Variants in USP13 observed in about 807,000 individuals in gnomAD.
The protein encoded by USP13 is ubiquitin carboxyl-terminal hydrolase 13.
USP13 carries 68 observed loss-of-function variants against 107.8 expected under a neutral mutation model. That is an observed-to-expected ratio of 0.63 (90% CI 0.52 to 0.77). The LOEUF (loss-of-function observed/expected upper bound fraction) is 0.77, where lower values mean the gene tolerates loss of function less well. Among genes scored for constraint, USP13 ranks in the 30% least tolerant of loss-of-function variants. The pLI is 0.00. For missense variants in USP13, 945 were observed against 1,093.3 expected (o/e 0.86, Z 1.91); for synonymous variants, 377 against 389.5 (o/e 0.97, Z 0.38).
At chr3:179,666,857 GCAGCCCGCAGGGGGCTAGA>G (rs1408110772) in intron 1 of USP13, among the ~76,000 whole-genome samples, 1 of 152,216 alleles carries the variant, frequency 6.6e-6, no homozygotes, top group Admixed American at 6.5e-5. Flanking sequence ...GTAGCACCAG[GCAGCCCGCAGGGGGCTAGA>G]CTGGCCTGGG....
At chr3:179,704,553 A>G (rs1459362000) in intron 4 of USP13, among the ~76,000 whole-genome samples, 3 of 152,102 alleles carry the variant, frequency 2.0e-5, no homozygotes, top group Admixed American at 2.0e-4. Context: ...CTACTGACCG[A>G]TGACACTGGG....
intron 19 of USP13, among the ~76,000 whole-genome samples, chr3:179,780,213 A>G (rs913213880): frequency 6.6e-6 from 1 of 152,248 alleles, no homozygotes; most frequent in African/African-American, 2.4e-5. Context: ...TTAACATTGT[A>G]CAGGAGGTTC....
At chr3:179,775,825 G>A (rs111868144) in intron 19 of USP13, among the ~76,000 whole-genome samples, 6 of 152,252 alleles carry the variant, frequency 3.9e-5, no homozygotes, top group African/African-American at 1.2e-4. Context: ...AGCATTGTGC[G>A]CAGCCCCGGT....
At position 179,687,573 on chromosome 3, in the gene USP13, C is replaced by T. The variant is rs1036870642; in HGVS notation, c.295-2668C>T. Among the ~76,000 whole-genome samples the T allele has an allele frequency of 2.1e-5, 3 of 145,740 alleles. No homozygotes were observed. The Admixed American group carries it at 2.2e-4, about 10-fold the overall frequency. Reference sequence around the variant, plus strand: ...ACTCGGGAGGCTGGCGCAGGAGAATCGCTTGGACCTGGGAGGCTGAAGTTG... The same window carrying T: ...ACTCGGGAGGCTGGCGCAGGAGAATTGCTTGGACCTGGGAGGCTGAAGTTG... On this transcript the variant is annotated intron_variant, in intron 2 of 20. Coordinates refer to ENST00000263966, the MANE Select transcript of USP13 (RefSeq NM_003940.3).
chr3:179,728,110 C>G (rs1451798162), intron 8 of USP13, among the ~76,000 whole-genome samples: 15 of 105,908 alleles, frequency 1.4e-4, no homozygotes, highest in African/African-American at 4.5e-4. Context: ...GGGCAGCTGG[C>G]CGGGCAGAGG....
chr3:179,756,619 CTGGTGACA>C (rs1435435817), intron 15 of USP13, among the ~76,000 whole-genome samples: 2 of 151,964 alleles, frequency 1.3e-5, no homozygotes. Context: ...GGCGTGGTGA[CTGGTGACA>C]TGTGCCTGTA....
chr3:179,722,221 C>T (rs781240784), intron 8 of USP13, among the ~76,000 whole-genome samples: 4 of 152,082 alleles, frequency 2.6e-5, no homozygotes, highest in Non-Finnish European at 5.9e-5. Flanking sequence ...CCTATAGATG[C>T]GCTAGGAGAG....
chr3:179,756,507 G>T (rs1164484930), intron 15 of USP13, among the ~76,000 whole-genome samples: 2 of 152,332 alleles, frequency 1.3e-5, no homozygotes, highest in East Asian at 3.9e-4. Context: ...CCTTTGGGAG[G>T]CTGAGGTGGG....
intron 10 of USP13, among the ~76,000 whole-genome samples, chr3:179,735,416 C>CT (rs5854845): frequency 0.017 from 2,376 of 142,932 alleles, 49 homozygotes; most frequent in Middle Eastern, 0.14. Context: ...AGAGCCTGAC[C>CT]TTTTTTTTTT....
intron 1 of USP13, among the ~76,000 whole-genome samples, chr3:179,676,928 G>A (rs1045920720): frequency 3.3e-5 from 5 of 151,886 alleles, no homozygotes; most frequent in African/African-American, 7.3e-5. Flanking sequence ...GCATGATCTC[G>A]GCTCACTGCA....
chr3:179,772,241 T>C (rs1012311399), intron 19 of USP13, among the ~76,000 whole-genome samples: 1 of 152,248 alleles, frequency 6.6e-6, no homozygotes, highest in Admixed American at 6.5e-5. Context: ...AATCAGGCCG[T>C]CACTCTGACC....
At chr3:179,728,076 A>AC (rs1553794761) in intron 8 of USP13, among the ~76,000 whole-genome samples, 1 of 59,206 alleles carries the variant, frequency 1.7e-5, no homozygotes, top group Non-Finnish European at 4.1e-5. Context: ...CGGGGGGCTG[A>AC]CCCCCCCACC....
intron 19 of USP13, among the ~76,000 whole-genome samples, chr3:179,774,498 C>T (rs1053573987): frequency 6.6e-6 from 1 of 150,504 alleles, no homozygotes; most frequent in South Asian, 2.1e-4. Flanking sequence ...AGTGCTACAG[C>T]TCTTAAGGCA....
chr3:179,708,802 G>A lies in USP13; in HGVS notation c.650G>A (p.Arg217Gln), dbSNP rs61760204. The A allele has an allele frequency of 1.5e-5, 25 of 1,614,050 alleles. No homozygotes were observed. The African/African-American group carries it at 2.1e-4, about 14-fold the overall frequency. ...SGWKCARCDL[R>Q]ENLWLNLTDG... ...TGGAAGTGTGCCAGATGCGACCTGC[G>A]AGAAAACCTCTGGTTGAATCTGACT... Residue 217 changes from arginine (R) to glutamine (Q), a missense_variant, in exon 6 of 21, where the codon CGA (arginine) becomes CAA (glutamine). Transcript: ENST00000263966.
intron 8 of USP13, among the ~76,000 whole-genome samples, chr3:179,728,440 C>T (rs1409071371): frequency 1.2e-4 from 18 of 149,744 alleles, no homozygotes; most frequent in African/African-American, 4.2e-4. Context: ...CGGGAAGAGG[C>T]GCTCCTCACT....
intron 1 of USP13, among the ~76,000 whole-genome samples, chr3:179,674,081 C>T (rs541302612): frequency 1.1e-4 from 17 of 152,126 alleles, no homozygotes; most frequent in Non-Finnish European, 1.8e-4. Flanking sequence ...TTAGTAGAGG[C>T]GGGGTTTCTC....
intron 8 of USP13, among the ~76,000 whole-genome samples, chr3:179,727,310 G>A (rs1282529366): frequency 7.6e-6 from 1 of 132,146 alleles, no homozygotes; most frequent in East Asian, 2.3e-4. Flanking sequence ...AGAGGACCCT[G>A]CGGCCTTCTG....
At chr3:179,677,853 C>T (rs373941295) in intron 1 of USP13, among the ~76,000 whole-genome samples, 15 of 152,098 alleles carry the variant, frequency 9.9e-5, no homozygotes, top group African/African-American at 3.4e-4. Context: ...GTCAGACTCA[C>T]TTATTCTTCC....
chr3:179,761,146 G>T lies in USP13; in HGVS notation c.1983G>T (p.Leu661=). 1.2e-6 allele frequency: 2 copies of T among 1,614,184 alleles called. No homozygotes were observed. The highest frequency in any genetic ancestry group is 1.7e-6 in the Non-Finnish European group (2 of 1,180,038). ...SDIDESSVMQ[L]AEMGFPLEAC... ...TCGATGAGTCATCAGTGATGCAGCT[G>T]GCCGAGATGGGTTTCCCGCTGGAAG... Residue 661 remains leucine, a synonymous_variant, in exon 17 of 21, where the codon CTG becomes CTT. Transcript: ENST00000263966.
Sources: gnomAD v4.1 joint callset for allele counts (sites outside exome capture counted in the v4.1 genomes callset) on GRCh38, gnomAD v4.1.1 for gene constraint, MANE v1.5 for transcripts, NCBI Gene and HGNC (gene_info 2026-07-23, HGNC 2026-07-21) for gene names.